BRD1: variants seen among roughly 807,000 people sequenced by gnomAD.
The protein encoded by BRD1 is bromodomain-containing protein 1.
BRD1 carries 24 observed loss-of-function variants against 107.7 expected under a neutral mutation model. The observed-to-expected ratio is 0.22, with a 90% confidence interval of 0.16 to 0.31. BRD1 has a LOEUF of 0.31. BRD1 is among the 10% of genes least tolerant of loss of function. The pLI is 1.00. For missense variants in BRD1, 1,279 were observed against 1,638.6 expected (o/e 0.78, Z 3.79); for synonymous variants, 744 against 686.1 (o/e 1.08, Z -1.32).
chr22:49,818,767 T>C (rs945940976), intron 2 of BRD1, among the ~76,000 whole-genome samples: 1 of 151,558 alleles, frequency 6.6e-6, no homozygotes, highest in Non-Finnish European at 1.5e-5. Flanking sequence ...GCGCCTGTGG[T>C]CCCAGCTACT....
At chr22:49,798,878 C>T (rs935943415) in intron 4 of BRD1, 110 bp downstream of exon 4, 11 of 1,469,872 alleles carry the variant, frequency 7.5e-6, no homozygotes, top group African/African-American at 5.6e-5. Context: ...CAAGGCACTG[C>T]TGTGGGCCAG....
At position 49,824,861 on chromosome 22, in the gene BRD1, G is replaced by C. The variant is rs946905703; in HGVS notation, c.-14-530C>G. 1.0e-6 allele frequency: 1 copy of C among 991,600 alleles called. No individual in the cohort carries two copies. Among genetic ancestry groups the C allele is most frequent in the Non-Finnish European group, 1.2e-6 (1 of 828,484 alleles). 61.4% of individuals were successfully genotyped at this position (991,600 alleles called of 1,614,324 possible). ...TACTCCCAGGAGAGCACTCCCATGA[G>C]CCCAGAGTCACCACAGTCCTTGCAG... On this transcript the variant is annotated intron_variant, in intron 1 of 12. Transcript: ENST00000404760. The surrounding 1 kb of genome is among the most constrained non-coding windows in gnomAD (Gnocchi z 5.9).
chr22:49,804,151 G>GGGGTGAGA (rs2059696718), intron 3 of BRD1, 53 bp downstream of exon 3: 3 of 1,483,482 alleles, frequency 2.0e-6, no homozygotes, highest in African/African-American at 2.8e-5. Flanking sequence ...CCCTCTCCCT[G>GGGGTGAGA]GAGGGTGGGG....
chr22:49,811,662 T>C (rs1239593566), intron 2 of BRD1, among the ~76,000 whole-genome samples: 2 of 152,242 alleles, frequency 1.3e-5, no homozygotes, highest in African/African-American at 4.8e-5. Flanking sequence ...TGCTTACTGC[T>C]GGAATTTCCC....
intron 2 of BRD1, among the ~76,000 whole-genome samples, chr22:49,815,860 C>A (rs956144465): frequency 6.6e-6 from 1 of 152,220 alleles, no homozygotes; most frequent in South Asian, 2.1e-4. Flanking sequence ...GTCGTCCTGG[C>A]GCTTCCTTCC....
At chr22:49,818,334 G>C in intron 2 of BRD1, 1 of 1,271,300 alleles carries the variant, frequency 7.9e-7, no homozygotes, top group Non-Finnish European at 1.0e-6. Context: ...CCGTCTGCCT[G>C]CTGATCACAG....
Position 49,824,931 on chromosome 22 carries a change from C to T in BRD1, c.-14-600G>A. 2 of 521,262 alleles carry T rather than the reference C, an allele frequency of 3.8e-6. No homozygotes were observed. Among genetic ancestry groups the T allele is most frequent in the Non-Finnish European group, 2.5e-6 (1 of 401,624 alleles). 32.3% of individuals were successfully genotyped at this position (521,262 alleles called of 1,614,324 possible). A position where few individuals can be genotyped will look rare whatever the true frequency, so the allele number is the denominator to read the frequency against. ...GGTAGGAGACAGATCACAGCCTGTC[C>T]ATCCTCTATAGACAGGCCCTCCACA... On this transcript the variant is annotated intron_variant, in intron 1 of 12. Transcript: ENST00000404760. The surrounding 1 kb of genome is among the most constrained non-coding windows in gnomAD (Gnocchi z 5.9).
At position 49,823,525 on chromosome 22, in the gene BRD1, G is replaced by T; in HGVS notation, c.793C>A (p.Arg265=). 6 of 1,600,908 alleles carry T rather than the reference G, an allele frequency of 3.7e-6. No individual in the cohort carries two copies. Among genetic ancestry groups the T allele is most frequent in the Non-Finnish European group, 4.3e-6 (5 of 1,173,346 alleles). The change falls in exon 2 of 13, where the codon CGG becomes AGG. Residue 265 remains arginine (R), a synonymous_variant. Coordinates refer to ENST00000404760, the MANE Select transcript of BRD1 (RefSeq NM_001304808.3). ...QWLCRHCLQS[R]ARPADCVLCP... ...AGCACACAGTCGGCGGGCCGGGCCC[G>T]CGACTGCAGGCAGTGGCGGCAGAGC...
chr22:49,794,223 T>A lies in BRD1; in HGVS notation c.2170A>T (p.Met724Leu), dbSNP rs752678312. 1 of 1,614,152 alleles carries A rather than the reference T, an allele frequency of 6.2e-7. No homozygotes were observed. The highest frequency in any genetic ancestry group is 1.1e-5 in the South Asian group (1 of 91,090). The change falls in exon 7 of 13, where the codon ATG becomes TTG. Residue 724 changes from methionine (M) to leucine (L), a missense_variant. This residue lies in a region of BRD1 where 406 missense variants were observed against 519.4 expected (regional missense o/e 0.78). Transcript: ENST00000404760. ...TTCATAGCGCAGGTGAGGTCGAGCA[T>A]GTCCAGCAGCTCTCTCAGCTGCTCC... The part of the protein sequence containing the change: ...LEEQLRELLD[M>L]LDLTCAMKSS...
rs902296904 is a variant in BRD1 at position 49,827,642 on chromosome 22, C to T, written c.-160G>A. ...CCGCCGCTCCTGGGCGCGGGCCCCT[C>T]TCGGCCGCGGCGGCTCCGGGCCCGG... On this transcript the variant is annotated 5_prime_UTR_variant, in exon 1 of 13. Coordinates refer to ENST00000404760, the MANE Select transcript of BRD1 (RefSeq NM_001304808.3). 6.9e-5 allele frequency: 10 copies of T among 145,196 alleles called. No homozygotes were observed. Among genetic ancestry groups the T allele is most frequent in the African/African-American group, 2.5e-4 (10 of 40,534 alleles). 9.0% of individuals were successfully genotyped at this position (145,196 alleles called of 1,614,324 possible).
chr22:49,795,668 C>T (rs1427083894), intron 6 of BRD1, among the ~76,000 whole-genome samples: 6 of 152,208 alleles, frequency 3.9e-5, no homozygotes, highest in African/African-American at 1.2e-4. Flanking sequence ...GGGCAGGCAA[C>T]CAGCGTACGT....
chr22:49,804,407 G>T, intron 2 of BRD1, 47 bp from the exon 3 acceptor site: 1 of 1,535,502 alleles, frequency 6.5e-7, no homozygotes, highest in Non-Finnish European at 8.8e-7. Context: ...ACATTAAGAT[G>T]TTTCATCACA....
intron 3 of BRD1, among the ~76,000 whole-genome samples, chr22:49,801,686 C>T (rs1258462173): frequency 6.6e-6 from 1 of 152,234 alleles, no homozygotes; most frequent in East Asian, 1.9e-4. Flanking sequence ...TCTGGCCGGG[C>T]TGTGGGGATG....
chr22:49,824,339 G>T lies in BRD1; in HGVS notation c.-14-8C>A. 6.2e-7 allele frequency: 1 copy of T among 1,609,124 alleles called. No individual in the cohort carries two copies. The highest frequency in any genetic ancestry group is 8.5e-7 in the Non-Finnish European group (1 of 1,176,734). On this transcript the variant is annotated splice_region_variant and splice_polypyrimidine_tract_variant and intron_variant, in intron 1 of 12. Coordinates refer to ENST00000404760, the MANE Select transcript of BRD1 (RefSeq NM_001304808.3). This position sits in a 1 kb window ranked among gnomAD's most constrained non-coding sequence, Gnocchi z 5.9. ...TCATTTGGTAATGATTACCTAAAAT[G>T]AAGGCAAAAGTAAAGGTAATTCTAC...
Position 49,824,061 on chromosome 22 carries a change from C to T in BRD1, c.257G>A (p.Cys86Tyr). 6.2e-7 allele frequency: 1 copy of T among 1,613,938 alleles called. No homozygotes were observed. The highest frequency in any genetic ancestry group is 8.5e-7 in the Non-Finnish European group (1 of 1,180,040). Residue 86 changes from cysteine (C) to tyrosine (Y), a missense_variant, in exon 2 of 13, where the codon TGC becomes TAC. By Grantham distance (194) the Cys-to-Tyr change is radical (BLOSUM62 -2). This residue lies in a region of BRD1 where 223 missense variants were observed against 263.5 expected (regional missense o/e 0.85). Transcript: ENST00000404760. The surrounding 1 kb of genome is among the most constrained non-coding windows in gnomAD (Gnocchi z 5.9). ...GTTTTTGTGACGCTTAGTTCTTAAGCAGACAGGAGGCCGCTCGCTGTTTTC... is the reference window on the plus strand; with the variant it reads ...GTTTTTGTGACGCTTAGTTCTTAAGTAGACAGGAGGCCGCTCGCTGTTTTC... ...NKENSERPPV[C>Y]LRTKRHKNNR...
rs1229869481 is a variant in BRD1 at position 49,797,697 on chromosome 22, GC to G, written c.2098+107del. 3.5e-6 allele frequency: 4 copies of G among 1,155,988 alleles called. No individual in the cohort carries two copies. In the African/African-American group the frequency reaches 6.2e-5, roughly 18 times the overall value. The allele number at this position is 1,155,988 out of a possible 1,614,324, so 71.6% of individuals were successfully genotyped here. A position where few individuals can be genotyped will look rare whatever the true frequency, so the allele number is the denominator to read the frequency against. On this transcript the variant is annotated intron_variant, in intron 6 of 12. Coordinates refer to ENST00000404760, the MANE Select transcript of BRD1 (RefSeq NM_001304808.3). ...ATGTAAATGATGTATGCGGTTGCAT[GC>G]TAGTGGCTCCCGGACCATGCTGATA... is the stretch of plus-strand genomic sequence containing the variant.
In BRD1 at chr22:49,793,792, A is replaced by C. The variant is rs113189942; in HGVS notation, c.2359+242T>G. On this transcript the variant is annotated intron_variant, in intron 7 of 12. Transcript: ENST00000404760. Reference sequence around the variant, plus strand: ...AGAAAAATTTTATTCTGTGCCTTAAATTTTATCAACTGATTATGTGAGAAA... The same window carrying C: ...AGAAAAATTTTATTCTGTGCCTTAACTTTTATCAACTGATTATGTGAGAAA... Among the ~76,000 whole-genome samples, 250 of 152,372 alleles carry C rather than the reference A, an allele frequency of 1.6e-3. 1 individual carries two copies. Among genetic ancestry groups the C allele is most frequent in the African/African-American group, 5.4e-3 (226 of 41,594 alleles).
At chr22:49,786,235 C>T (rs994508477) in intron 8 of BRD1, among the ~76,000 whole-genome samples, 3 of 152,238 alleles carry the variant, frequency 2.0e-5, no homozygotes, top group South Asian at 4.1e-4. Flanking sequence ...GCTCCAGACA[C>T]GCTTCCAGAA....
intron 2 of BRD1, among the ~76,000 whole-genome samples, chr22:49,822,279 G>T (rs1268637663): frequency 1.3e-5 from 2 of 152,048 alleles, no homozygotes; most frequent in Admixed American, 1.3e-4. Context: ...TACAAAATTA[G>T]CTGGGCATGG....
Sources: allele counts gnomAD v4.1 joint callset (sites outside exome capture counted in the v4.1 genomes callset), GRCh38; gene constraint gnomAD v4.1.1; regional missense constraint gnomAD v4.1.1; non-coding constraint Gnocchi (gnomAD v3.1); transcripts MANE v1.5; gene names NCBI Gene and HGNC (gene_info 2026-07-23, HGNC 2026-07-21).